Variants in NUBPL observed in about 807,000 individuals in gnomAD.
The protein encoded by NUBPL is iron-sulfur cluster transfer protein NUBPL.
A neutral mutation model predicts 45.7 loss-of-function variants in NUBPL; 31 were observed. The ratio of observed to expected loss-of-function variants is 0.68; its 90% CI spans 0.51 to 0.92. The LOEUF (loss-of-function observed/expected upper bound fraction) is 0.92. NUBPL is among the 40% of genes least tolerant of loss of function. The pLI, the probability that NUBPL is intolerant of heterozygous loss-of-function variation, is 0.00. For missense variants in NUBPL, 401 were observed against 398.7 expected, an observed-to-expected ratio of 1.01 and a Z score of -0.05; for synonymous variants, 144 against 140.9, an observed-to-expected ratio of 1.02 and a Z score of -0.15.
At chr14:31,782,302 G>A (rs867915897) in intron 6 of NUBPL, among the ~76,000 whole-genome samples, 38 of 152,238 alleles carry the variant, frequency 2.5e-4, no homozygotes, top group African/African-American at 6.7e-4. Context: ...GGCTGAGACC[G>A]GAGAATTGCT....
chr14:31,638,941 C>T (rs1050482754), intron 4 of NUBPL, among the ~76,000 whole-genome samples: 4 of 152,162 alleles, frequency 2.6e-5, no homozygotes, highest in African/African-American at 4.8e-5. Context: ...TCCATCAGCT[C>T]CTTTAAGCAC....
At chr14:31,756,053 G>A (rs9671460) in intron 6 of NUBPL, among the ~76,000 whole-genome samples, 82,806 of 151,268 alleles carry the variant, frequency 0.55, 24,861 homozygotes, top group African/African-American at 0.82. Flanking sequence ...TGTTCCATTG[G>A]TCTATATCTC....
intron 8 of NUBPL, among the ~76,000 whole-genome samples, chr14:31,836,129 G>A (rs2040277746): frequency 6.6e-6 from 1 of 152,166 alleles, no homozygotes; most frequent in Admixed American, 6.6e-5. Context: ...AATATTCAGA[G>A]CGATGTTCAT....
intron 3 of NUBPL, among the ~76,000 whole-genome samples, chr14:31,566,634 G>A (rs1483309813): frequency 2.0e-5 from 3 of 152,008 alleles, no homozygotes; most frequent in Non-Finnish European, 4.4e-5. Context: ...CCTGGAACCT[G>A]TAAATATGTT....
intron 6 of NUBPL, among the ~76,000 whole-genome samples, chr14:31,687,847 A>G (rs1040420709): frequency 2.0e-5 from 3 of 152,238 alleles, no homozygotes; most frequent in African/African-American, 7.2e-5. Context: ...ATTGCTTGAT[A>G]TGTACCATAG....
At chr14:31,738,668 C>G (rs1466654041) in intron 6 of NUBPL, among the ~76,000 whole-genome samples, 3 of 152,108 alleles carry the variant, frequency 2.0e-5, no homozygotes, top group Non-Finnish European at 4.4e-5. Flanking sequence ...CTGGTAGCAA[C>G]TACTGTGTTT....
intron 4 of NUBPL, among the ~76,000 whole-genome samples, chr14:31,645,495 C>T (rs1345633105): frequency 6.6e-6 from 1 of 152,182 alleles, no homozygotes; most frequent in African/African-American, 2.4e-5. Context: ...AAAGACTTTA[C>T]TACTGCCATT....
chr14:31,768,467 T>TG (rs2038952320), intron 6 of NUBPL, among the ~76,000 whole-genome samples: 1 of 152,248 alleles, frequency 6.6e-6, no homozygotes, highest in Admixed American at 6.5e-5. Flanking sequence ...CAGCATTGTT[T>TG]GGAACATTTC....
chr14:31,595,139 A>C (rs1048296286), intron 3 of NUBPL, among the ~76,000 whole-genome samples: 1 of 152,160 alleles, frequency 6.6e-6, no homozygotes. Flanking sequence ...AGGCTCTCAA[A>C]TTGCAGCTTT....
chr14:31,738,795 A>G (rs2038214952), intron 6 of NUBPL, among the ~76,000 whole-genome samples: 1 of 152,172 alleles, frequency 6.6e-6, no homozygotes, highest in South Asian at 2.1e-4. Context: ...GTAGTGATTT[A>G]TAAATTGGTA....
At chr14:31,783,958 G>C (rs2039240663) in intron 6 of NUBPL, among the ~76,000 whole-genome samples, 1 of 152,204 alleles carries the variant, frequency 6.6e-6, no homozygotes, top group East Asian at 1.9e-4. Context: ...GTCTGCCGGT[G>C]CTAGGAGTTT....
At chr14:31,797,957 T>C (rs2039496265) in intron 7 of NUBPL, among the ~76,000 whole-genome samples, 1 of 144,914 alleles carries the variant, frequency 6.9e-6, no homozygotes, top group African/African-American at 2.7e-5. Context: ...CAGCATTTGC[T>C]TGTCTATAAA....
At chr14:31,657,950 A>T (rs73253213) in intron 4 of NUBPL, among the ~76,000 whole-genome samples, 25,492 of 152,198 alleles carry the variant, frequency 0.17, 6,114 homozygotes, top group African/African-American at 0.54. Flanking sequence ...TATGAATTTG[A>T]TAAGGCTGGA....
intron 6 of NUBPL, among the ~76,000 whole-genome samples, chr14:31,764,196 T>G (rs1645388327): frequency 6.6e-6 from 1 of 152,200 alleles, no homozygotes; most frequent in South Asian, 2.1e-4. Context: ...GAGAGAAAAT[T>G]AGAGTACAAG....
At chr14:31,700,422 G>A (rs1039415062) in intron 6 of NUBPL, among the ~76,000 whole-genome samples, 8 of 152,214 alleles carry the variant, frequency 5.3e-5, no homozygotes, top group South Asian at 2.1e-4. Context: ...GTGCCTTCTC[G>A]GCCTCAGCGC....
intron 3 of NUBPL, among the ~76,000 whole-genome samples, chr14:31,596,195 G>A (rs535646293): frequency 3.9e-5 from 6 of 151,996 alleles, no homozygotes; most frequent in South Asian, 2.1e-4. Context: ...GAGCCACCGC[G>A]CCCGGCCTGG....
intron 3 of NUBPL, among the ~76,000 whole-genome samples, chr14:31,585,643 C>G (rs1035438285): frequency 1.2e-4 from 18 of 152,182 alleles, no homozygotes; most frequent in Admixed American, 9.2e-4. Context: ...TATTTCTGTT[C>G]TATTTCACAT....
At position 31,732,609 on chromosome 14, in the gene NUBPL, C is replaced by CT. The variant is rs71986817; in HGVS notation, c.514-55151dup. 8.2e-3 allele frequency among the ~76,000 whole-genome samples: 664 copies of CT among 80,988 alleles called. 18 individuals carry two copies. The highest frequency in any genetic ancestry group is 0.03 in the African/African-American group (613 of 20,100). 53.1% of individuals were successfully genotyped at this position (80,988 alleles called of 152,430 possible). A position where few individuals can be genotyped will look rare whatever the true frequency, so the allele number is the denominator to read the frequency against. On this transcript the variant is annotated intron_variant, in intron 6 of 10. Coordinates refer to ENST00000281081, the MANE Select transcript of NUBPL (RefSeq NM_025152.3). Reference sequence around the variant, plus strand: ...TAAGTCCAGCTTATCAATTTGTTCTCTTTTTTTTTTTTTTTTTTTTGAGAT... The same window carrying CT: ...TAAGTCCAGCTTATCAATTTGTTCTCTTTTTTTTTTTTTTTTTTTTTGAGAT...
chr14:31,628,942 G>T (rs2035276088), intron 4 of NUBPL, among the ~76,000 whole-genome samples: 1 of 152,106 alleles, frequency 6.6e-6, no homozygotes, highest in Admixed American at 6.5e-5. Context: ...AGTACAGTTT[G>T]GTGCCACTGC....
Sources: allele counts gnomAD v4.1 joint callset (sites outside exome capture counted in the v4.1 genomes callset), GRCh38; gene constraint gnomAD v4.1.1; transcripts MANE v1.5; gene names NCBI Gene and HGNC (gene_info 2026-07-23, HGNC 2026-07-21).